The following CDK13 variants were observed in gnomAD, a reference collection of about 807,000 sequenced individuals.
CDK13 encodes cyclin dependent kinase 13, also known as cyclin-dependent kinase 13.
In CDK13, 40 loss-of-function variants were observed where a neutral mutation model predicts 137.6. The observed-to-expected ratio is 0.29, with a 90% CI of 0.23 to 0.38. CDK13 has a LOEUF of 0.38. Among genes scored for constraint, CDK13 ranks in the 10% least tolerant of loss-of-function variants. The probability of loss-of-function intolerance (pLI) is 1.00; values close to 1 mark genes in which losing one functional copy is unlikely to be tolerated. For missense variants in CDK13, 1,704 were observed against 1,951.8 expected, an observed-to-expected ratio of 0.87 and a Z score of 2.39; for synonymous variants, 869 against 760.1, an observed-to-expected ratio of 1.14 and a Z score of -2.36.
At chr7:40,051,315 G>A (rs1426950054) in intron 7 of CDK13, among the ~76,000 whole-genome samples, 2 of 151,414 alleles carry the variant, frequency 1.3e-5, no homozygotes, top group African/African-American at 2.4e-5. Flanking sequence ...TCCTGGAGAG[G>A]TAGTATTAAT....
intron 1 of CDK13, chr7:39,952,971 T>G (rs1322549961): frequency 6.6e-6 from 1 of 152,320 alleles, no homozygotes; most frequent in East Asian, 1.9e-4. Context: ...GACCTTATAG[T>G]GTAGAGTATT....
At chr7:39,973,031 T>C (rs545738772) in intron 1 of CDK13, among the ~76,000 whole-genome samples, 1 of 152,344 alleles carries the variant, frequency 6.6e-6, no homozygotes, top group African/African-American at 2.4e-5. Context: ...TGCATTTCTC[T>C]AATGACAAAT....
chr7:39,971,941 C>T (rs916715885), intron 1 of CDK13, among the ~76,000 whole-genome samples: 1 of 152,064 alleles, frequency 6.6e-6, no homozygotes, highest in Non-Finnish European at 1.5e-5. Context: ...TAGAAAAATT[C>T]TGTTGATATT....
At chr7:39,989,110 A>AAG (rs200079970) in intron 2 of CDK13, among the ~76,000 whole-genome samples, 6 of 98,406 alleles carry the variant, frequency 6.1e-5, no homozygotes, top group African/African-American at 2.8e-4. Flanking sequence ...AAAAAAAAAA[A>AAG]AGAGAAAATT....
intron 9 of CDK13, chr7:40,067,552 A>G (rs1404764442): frequency 6.6e-6 from 1 of 152,204 alleles, no homozygotes; most frequent in Non-Finnish European, 1.5e-5. Context: ...TCAAAAAATA[A>G]ATAAATAAAC....
At chr7:40,089,226 T>C (rs1300480178) in intron 12 of CDK13, among the ~76,000 whole-genome samples, 2 of 150,918 alleles carry the variant, frequency 1.3e-5, no homozygotes, top group African/African-American at 2.4e-5. Flanking sequence ...CTTGAGCCCA[T>C]GAGTTCGAGA....
At chr7:39,966,250 T>C (rs1783867676) in intron 1 of CDK13, among the ~76,000 whole-genome samples, 2 of 152,228 alleles carry the variant, frequency 1.3e-5, no homozygotes, top group Non-Finnish European at 2.9e-5. Flanking sequence ...CACTTTCAGG[T>C]ACACCAATCA....
rs375997121 is a variant in CDK13, at chr7:39,951,794, A to G, written c.1153A>G (p.Ser385Gly). The G allele has an allele frequency of 6.8e-7, 1 of 1,468,198 alleles. No homozygotes were observed. Among genetic ancestry groups the G allele is most frequent in the Non-Finnish European group, 8.9e-7 (1 of 1,121,646 alleles). The allele number at this position is 1,468,198 out of a possible 1,614,324, so 90.9% of individuals were successfully genotyped here. A position where few individuals can be genotyped will look rare whatever the true frequency, so the allele number is the denominator to read the frequency against. The change falls in exon 1 of 14, where the codon AGT becomes GGT. Residue 385 changes from serine (S) to glycine (G), a missense_variant. Physicochemically the swap from Ser to Gly is moderately conservative, Grantham distance 56. Around this residue, in one of 5 missense-constraint regions of CDK13, gnomAD observed 1,051 missense variants for 931.0 expected, o/e 1.13. Transcript: ENST00000181839. ...SYERGGDVSP[S>G]PYSSSSWRRS... ...CGAGCGGGGCGGCGACGTGTCCCCT[A>G]GTCCCTACAGCAGCAGCAGCTGGCG...
chr7:40,014,706 T>G (rs1784969215), intron 5 of CDK13, among the ~76,000 whole-genome samples: 1 of 152,170 alleles, frequency 6.6e-6, no homozygotes, highest in Non-Finnish European at 1.5e-5. Context: ...TCCACCTGCC[T>G]TGGCCTCCCA....
At chr7:40,069,487 A>G in intron 9 of CDK13, 1 of 327,080 alleles carries the variant, frequency 3.1e-6, no homozygotes, top group Non-Finnish European at 6.2e-6. Flanking sequence ...TTCAAAAGTA[A>G]AAGAGGACTG....
rs74867730 is a variant in CDK13 at position 40,007,932 on chromosome 7, T to C, written c.2353+5901T>C. ...TGGAATGTTAAAGGTGGGTGCAGTT[T>C]GGATAGGTATAGTGGAGGGCATTCT... is the stretch of plus-strand genomic sequence containing the variant. On this transcript the variant is annotated intron_variant, in intron 5 of 13. Coordinates refer to ENST00000181839, the MANE Select transcript of CDK13 (RefSeq NM_003718.5). Among the ~76,000 whole-genome samples the C allele has an allele frequency of 2.0e-4, 30 of 152,286 alleles. 2 individuals carry two copies. The East Asian group carries it at 5.4e-3, about 27-fold the overall frequency.
chr7:40,043,855 T>C (rs1283651794), intron 5 of CDK13, among the ~76,000 whole-genome samples: 2 of 149,084 alleles, frequency 1.3e-5, no homozygotes, highest in Non-Finnish European at 3.0e-5. Flanking sequence ...AAAAGAAAAA[T>C]ACAGAGTTTT....
At chr7:39,996,014 A>G (rs1392106350) in intron 2 of CDK13, among the ~76,000 whole-genome samples, 2 of 152,200 alleles carry the variant, frequency 1.3e-5, no homozygotes, top group African/African-American at 4.8e-5. Flanking sequence ...TCTTAAAGAA[A>G]CAAAACAAAA....
chr7:40,011,688 A>G (rs1486743056), intron 5 of CDK13, among the ~76,000 whole-genome samples: 1 of 150,678 alleles, frequency 6.6e-6, no homozygotes, highest in Non-Finnish European at 1.5e-5. Flanking sequence ...CTATTAGAAG[A>G]AAAGGTAGGA....
At chr7:40,077,939 G>A (rs1330348163) in intron 9 of CDK13, 66 bp from the exon 10 acceptor site, 1 of 648,818 alleles carries the variant, frequency 1.5e-6, no homozygotes, top group East Asian at 3.0e-5. Flanking sequence ...TTGATGTTTT[G>A]TATAACAGTT....
chr7:40,012,683 G>A (rs1360706224), intron 5 of CDK13, among the ~76,000 whole-genome samples: 2 of 152,178 alleles, frequency 1.3e-5, no homozygotes, highest in Non-Finnish European at 2.9e-5. Flanking sequence ...GGGAGGCTGA[G>A]GTGGGCGGAT....
intron 5 of CDK13, among the ~76,000 whole-genome samples, chr7:40,014,750 C>T: frequency 6.6e-6 from 1 of 152,192 alleles, no homozygotes. Flanking sequence ...GCCACTGTGT[C>T]CAGCCCATTT....
intron 2 of CDK13, among the ~76,000 whole-genome samples, chr7:39,990,134 T>G (rs1461826459): frequency 6.6e-6 from 1 of 152,234 alleles, no homozygotes; most frequent in Non-Finnish European, 1.5e-5. Flanking sequence ...TAGGTTATTT[T>G]CAAGAACTCT....
Position 39,950,588 on chromosome 7 carries a change from T to G in CDK13, c.-54T>G, listed in dbSNP as rs2116044380. 1 of 1,286,876 alleles carries G rather than the reference T, an allele frequency of 7.8e-7. No individual in the cohort carries two copies. The highest frequency in any genetic ancestry group is 9.8e-7 in the Non-Finnish European group (1 of 1,017,948). 79.7% of individuals were successfully genotyped at this position (1,286,876 alleles called of 1,614,324 possible). The stretch of plus-strand genomic sequence containing the variant: ...TTTCCGGCGGGGGAGATGGCCAGGA[T>G]CTGACCCGGGAGGAGGCCGCACCCG... On this transcript the variant is annotated 5_prime_UTR_variant, in exon 1 of 14. Coordinates refer to ENST00000181839, the MANE Select transcript of CDK13 (RefSeq NM_003718.5).
Sources: allele counts gnomAD v4.1 joint callset (sites outside exome capture counted in the v4.1 genomes callset), GRCh38; gene constraint gnomAD v4.1.1; regional missense constraint gnomAD v4.1.1; transcripts MANE v1.5; gene names NCBI Gene and HGNC (gene_info 2026-07-23, HGNC 2026-07-21).